Variants in AEBP2 observed in about 807,000 individuals in gnomAD.
AEBP2 encodes zinc finger protein AEBP2.
A neutral mutation model predicts 50.8 loss-of-function variants in AEBP2; 10 were observed. The observed-to-expected ratio is 0.20, with a 90% confidence interval of 0.12 to 0.33. The LOEUF is 0.33. AEBP2 is among the 10% of genes least tolerant of loss of function. AEBP2 has a pLI of 1.00. For synonymous variants in AEBP2, 296 were observed against 261.3 expected, an observed-to-expected ratio of 1.13 and a Z score of -1.28; for missense variants, 570 against 688.0, an observed-to-expected ratio of 0.83 and a Z score of 1.92.
chr12:19,422,685 A>G (rs1372081965), intron 1 of AEBP2, among the ~76,000 whole-genome samples: 2 of 151,982 alleles, frequency 1.3e-5, no homozygotes, highest in East Asian at 2.0e-4. Context: ...ATCCGTTTTC[A>G]TTGGTGAAAT....
chr12:19,466,156 T>A (rs574237814), intron 2 of AEBP2, among the ~76,000 whole-genome samples: 1 of 152,074 alleles, frequency 6.6e-6, no homozygotes, highest in South Asian at 2.1e-4. Context: ...ATCAGATTTT[T>A]TTCTTTGAAA....
intron 4 of AEBP2, among the ~76,000 whole-genome samples, chr12:19,495,691 G>C (rs1281929833): frequency 1.3e-5 from 2 of 151,650 alleles, no homozygotes; most frequent in Non-Finnish European, 2.9e-5. Flanking sequence ...ACAGGCCTGA[G>C]CCACCATGCC....
At chr12:19,494,034 A>G in intron 4 of AEBP2, 48 bp downstream of exon 4, 1 of 1,513,124 alleles carries the variant, frequency 6.6e-7, no homozygotes, top group Non-Finnish European at 8.9e-7. Context: ...GTTTTAAAAG[A>G]TATCTTAGAC....
intron 1 of AEBP2, among the ~76,000 whole-genome samples, chr12:19,461,026 C>A (rs1362124666): frequency 6.6e-6 from 1 of 151,970 alleles, no homozygotes; most frequent in Non-Finnish European, 1.5e-5. Context: ...TAAAATGATT[C>A]AGAGAAACAG....
chr12:19,458,216 A>G (rs928691893), intron 1 of AEBP2, among the ~76,000 whole-genome samples: 3 of 152,194 alleles, frequency 2.0e-5, no homozygotes, highest in African/African-American at 7.2e-5. Context: ...CTACTGTTGC[A>G]TCAGGTCTGT....
chr12:19,415,879 G>A (rs1432416647), intron 1 of AEBP2, among the ~76,000 whole-genome samples: 1 of 152,002 alleles, frequency 6.6e-6, no homozygotes, highest in Admixed American at 6.6e-5. Flanking sequence ...TATTCTTTCT[G>A]GAATCTTGGC....
chr12:19,416,037 C>T (rs1181504646), intron 1 of AEBP2, among the ~76,000 whole-genome samples: 1 of 152,090 alleles, frequency 6.6e-6, no homozygotes, highest in Non-Finnish European at 1.5e-5. Context: ...GAAAAGTTAG[C>T]TGGGCATGGT....
chr12:19,485,682 C>CAGAGAG (rs370301903), intron 3 of AEBP2, among the ~76,000 whole-genome samples: 1 of 123,300 alleles, frequency 8.1e-6, no homozygotes. Flanking sequence ...GCCTGGGTGA[C>CAGAGAG]AGAGAGAGAG....
At chr12:19,435,967 G>A (rs757148862), upstream of AEBP2, among the ~76,000 whole-genome samples, 6 of 152,196 alleles carry the variant, frequency 3.9e-5, no homozygotes, top group East Asian at 1.9e-4. Context: ...TCGTGAATAC[G>A]GGATGGGTAA....
intron 1 of AEBP2, 104 bp downstream of exon 1, chr12:19,440,474 A>T: frequency 7.1e-7 from 1 of 1,406,056 alleles, no homozygotes. Context: ...CTGCTCCCCG[A>T]ATCCTCGGCC....
chr12:19,503,737 T>C (rs1403957090), intron 5 of AEBP2, among the ~76,000 whole-genome samples: 3 of 152,008 alleles, frequency 2.0e-5, no homozygotes. Context: ...TTGCCCAGGC[T>C]GGTTTTGAAC....
intron 3 of AEBP2, among the ~76,000 whole-genome samples, chr12:19,481,380 G>T (rs1313204229): frequency 1.3e-5 from 2 of 152,020 alleles, no homozygotes; most frequent in Non-Finnish European, 2.9e-5. Context: ...TGGGATTACA[G>T]GCATGAGCCA....
At chr12:19,462,407 A>G (rs1948395439) in intron 1 of AEBP2, 103 bp from the exon 2 acceptor site, 3 of 946,656 alleles carry the variant, frequency 3.2e-6, no homozygotes, top group Non-Finnish European at 4.8e-6. Context: ...CTTTGTTCAC[A>G]TGGAGCAGAA....
At chr12:19,461,254 T>G (rs16915485) in intron 1 of AEBP2, among the ~76,000 whole-genome samples, 8,683 of 152,256 alleles carry the variant, frequency 0.057, 536 homozygotes, top group Admixed American at 0.15. Flanking sequence ...TCTTGACCCT[T>G]ATGATTGAAG....
intron 1 of AEBP2, 44 bp downstream of exon 1, chr12:19,440,414 C>G (rs752248302): frequency 2.7e-6 from 4 of 1,454,580 alleles, no homozygotes; most frequent in Non-Finnish European, 3.6e-6. Context: ...TCCTCTTGAA[C>G]TCCCGGGCCC....
chr12:19,468,369 G>C (rs1289174016), intron 2 of AEBP2, among the ~76,000 whole-genome samples: 1 of 151,950 alleles, frequency 6.6e-6, no homozygotes, highest in African/African-American at 2.4e-5. Context: ...CATTTACTCA[G>C]TATAATTAGG....
In AEBP2 at chr12:19,470,694, G is replaced by T. The variant is rs543639149; in HGVS notation, c.880-2554G>T. On this transcript the variant is annotated intron_variant, in intron 2 of 7. Transcript: ENST00000266508. ...GACCTGCCATTATCTCTATAGTCAT[G>T]TTTGCTCATAGGAAAAAAATTAGAA... Among the ~76,000 whole-genome samples the T allele has an allele frequency of 4.6e-5, 7 of 152,246 alleles. No homozygotes were observed. In the South Asian group the frequency reaches 1.2e-3, roughly 27 times the overall value.
chr12:19,518,509 T>G lies in AEBP2; in HGVS notation c.*392T>G. On this transcript the variant is annotated 3_prime_UTR_variant, in exon 8 of 8. Transcript: ENST00000266508. ...TGGAAAGAAAAACAATTACAACATGTGCCCTTACAAATACCAAAAGCACTG... is the reference window on the plus strand; with the variant it reads ...TGGAAAGAAAAACAATTACAACATGGGCCCTTACAAATACCAAAAGCACTG... 1.6e-6 allele frequency: 2 copies of G among 1,258,044 alleles called. No individual in the cohort carries two copies. Among genetic ancestry groups the G allele is most frequent in the South Asian group, 6.3e-5 (2 of 31,988 alleles). The allele number at this position is 1,258,044 out of a possible 1,614,324, so 77.9% of individuals were successfully genotyped here. A position where few individuals can be genotyped will look rare whatever the true frequency, so the allele number is the denominator to read the frequency against.
chr12:19,433,405 C>A (rs11608326), intron 1 of AEBP2, among the ~76,000 whole-genome samples: 2 of 151,280 alleles, frequency 1.3e-5, no homozygotes, highest in Admixed American at 1.3e-4. Flanking sequence ...ACAAAAAATT[C>A]TAGTGGACTG....
Sources: allele counts gnomAD v4.1 joint callset (sites outside exome capture counted in the v4.1 genomes callset), GRCh38; gene constraint gnomAD v4.1.1; transcripts MANE v1.5; gene names NCBI Gene and HGNC (gene_info 2026-07-23, HGNC 2026-07-21).